Variants in FAM167A observed in about 807,000 individuals in gnomAD.
FAM167A encodes the protein family with sequence similarity 167 member A.
Under a neutral mutation model 14.9 loss-of-function variants are expected in FAM167A, and 23 were observed. The ratio of observed to expected loss-of-function variants is 1.55; its 90% CI spans 1.11 to 2.19. FAM167A has a LOEUF of 2.19. Among genes scored for constraint, FAM167A ranks in the 30% most tolerant of loss-of-function variants. The probability of loss-of-function intolerance (pLI) is 0.00; values close to 1 mark genes in which losing one functional copy is unlikely to be tolerated. For synonymous variants in FAM167A, 174 were observed against 117.7 expected (o/e 1.48, Z -3.10); for missense variants, 401 against 281.5 (o/e 1.42, Z -3.04).
chr8:11,430,786 C>A (rs114482625), intron 2 of FAM167A, among the ~76,000 whole-genome samples: 2 of 152,002 alleles, frequency 1.3e-5, no homozygotes, highest in Non-Finnish European at 2.9e-5. Flanking sequence ...ACGGCCAAGG[C>A]GGCCCTGGAA....
At chr8:11,467,302 G>T (rs947920131), upstream of FAM167A, among the ~76,000 whole-genome samples, 4 of 152,294 alleles carry the variant, frequency 2.6e-5, no homozygotes, top group Non-Finnish European at 5.9e-5. Context: ...TGTCCCGCCA[G>T]GGGCGCGGCA....
At chr8:11,433,904 T>G (rs1471309223) in intron 2 of FAM167A, 2 of 152,230 alleles carry the variant, frequency 1.3e-5, no homozygotes, top group African/African-American at 4.8e-5. Context: ...CTTATCTTAT[T>G]TAACTTCACC....
intron 1 of FAM167A, chr8:11,445,162 A>T: frequency 7.1e-6 from 7 of 985,332 alleles, no homozygotes; most frequent in Non-Finnish European, 8.4e-6. Flanking sequence ...TCTCCCAGCA[A>T]TAAGTTGTGG....
intron 2 of FAM167A, among the ~76,000 whole-genome samples, chr8:11,438,969 G>A (rs951769494): frequency 1.3e-5 from 2 of 152,220 alleles, no homozygotes; most frequent in Non-Finnish European, 2.9e-5. Context: ...GCAACCTCCT[G>A]TGTGACCTTT....
chr8:11,451,464 G>A (rs1369590049), intron 1 of FAM167A, among the ~76,000 whole-genome samples: 2 of 152,270 alleles, frequency 1.3e-5, no homozygotes, highest in Admixed American at 1.3e-4. Context: ...AAAGAGCACA[G>A]TGGATGCTTG....
intron 1 of FAM167A, among the ~76,000 whole-genome samples, chr8:11,453,992 G>A (rs1252179384): frequency 2.0e-5 from 3 of 152,210 alleles, no homozygotes; most frequent in Non-Finnish European, 4.4e-5. Context: ...CTACTATCTG[G>A]CAGGACTAGC....
intron 1 of FAM167A, among the ~76,000 whole-genome samples, chr8:11,472,745 T>C (rs1807999370): frequency 6.6e-6 from 1 of 152,206 alleles, no homozygotes; most frequent in Non-Finnish European, 1.5e-5. Context: ...GCTCTTTTAC[T>C]AACTGGAACT....
intron 1 of FAM167A, among the ~76,000 whole-genome samples, chr8:11,450,906 TG>T (rs1430667503): frequency 6.6e-6 from 1 of 152,066 alleles, no homozygotes; most frequent in Non-Finnish European, 1.5e-5. Flanking sequence ...GGGCCTGCAG[TG>T]GGACAAAGAC....
intron 1 of FAM167A, among the ~76,000 whole-genome samples, chr8:11,453,084 A>G (rs35619722): frequency 0.32 from 48,884 of 151,938 alleles, 8,636 homozygotes; most frequent in Middle Eastern, 0.47. Context: ...TTCTCCACAA[A>G]GCTCCCTCCT....
chr8:11,456,186 G>GT (rs1254172313), intron 1 of FAM167A, among the ~76,000 whole-genome samples: 8 of 9,140 alleles, frequency 8.8e-4, no homozygotes, highest in Admixed American at 2.6e-3. Context: ...GTGTGTGTGT[G>GT]AATGTGGGGG....
At chr8:11,427,550 G>A (rs1563357466) in intron 2 of FAM167A, among the ~76,000 whole-genome samples, 2 of 152,180 alleles carry the variant, frequency 1.3e-5, no homozygotes, top group Admixed American at 6.5e-5. Flanking sequence ...CTGTAGTTAT[G>A]CAAATGAAGG....
intron 2 of FAM167A, among the ~76,000 whole-genome samples, chr8:11,430,768 TGGA>T (rs1170081841): frequency 6.6e-6 from 1 of 152,068 alleles, no homozygotes; most frequent in African/African-American, 2.4e-5. Context: ...GCAAGGGGGC[TGGA>T]GGAGACGGCC....
chr8:11,468,027 C>T (rs562823874), upstream of FAM167A, among the ~76,000 whole-genome samples: 4 of 152,288 alleles, frequency 2.6e-5, no homozygotes, highest in South Asian at 8.3e-4. Context: ...CTGTCCCTAC[C>T]CAAGCCACCA....
chr8:11,435,542 G>A (rs911388370), intron 2 of FAM167A, among the ~76,000 whole-genome samples: 3 of 152,140 alleles, frequency 2.0e-5, no homozygotes, highest in Non-Finnish European at 4.4e-5. Context: ...CCCAGTACCT[G>A]TCTCCACGGC....
At chr8:11,465,684 C>G (rs146339827) in intron 1 of FAM167A, among the ~76,000 whole-genome samples, 1 of 152,344 alleles carries the variant, frequency 6.6e-6, no homozygotes, top group African/African-American at 2.4e-5. Flanking sequence ...CCATCCCGAG[C>G]TTAGTGAGGG....
At chr8:11,455,911 GA>G (rs1385059989) in intron 1 of FAM167A, among the ~76,000 whole-genome samples, 1 of 85,234 alleles carries the variant, frequency 1.2e-5, no homozygotes, top group African/African-American at 4.4e-5. Context: ...GTGTGAGTGT[GA>G]GGGGTGGTTG....
intron 2 of FAM167A, among the ~76,000 whole-genome samples, chr8:11,427,549 T>C (rs1053191122): frequency 6.6e-5 from 10 of 152,236 alleles, no homozygotes; most frequent in African/African-American, 1.9e-4. Flanking sequence ...CCTGTAGTTA[T>C]GCAAATGAAG....
Position 11,444,029 on chromosome 8 carries a change from A to G in FAM167A, c.381+2T>C. 2 of 1,609,660 alleles carry G rather than the reference A, an allele frequency of 1.2e-6. No homozygotes were observed. Among genetic ancestry groups the G allele is most frequent in the South Asian group, 2.2e-5 (2 of 90,730 alleles). On this transcript the variant is annotated splice_donor_variant, in intron 2 of 2. Transcript: ENST00000284486. LOFTEE classifies it high-confidence loss of function. ...TGGGGATTCTTGGGGGCAGCCACTC[A>G]CCAGTTCCTTCCTGAGCCAGGCTAT...
intron 1 of FAM167A, chr8:11,446,315 G>A (rs1806781731): frequency 6.6e-6 from 1 of 152,268 alleles, no homozygotes; most frequent in African/African-American, 2.4e-5. Flanking sequence ...GCCGCCCTAG[G>A]CTACGAGCCT....
Sources: allele counts gnomAD v4.1 joint callset (sites outside exome capture counted in the v4.1 genomes callset), GRCh38; gene constraint gnomAD v4.1.1; transcripts MANE v1.5; gene names NCBI Gene and HGNC (gene_info 2026-07-23, HGNC 2026-07-21).